APBB2: variants seen among roughly 807,000 people sequenced by gnomAD.
The protein encoded by APBB2 is amyloid beta precursor protein binding family B member 2.
A neutral mutation model predicts 82.5 loss-of-function variants in APBB2; 38 were observed. The observed-to-expected ratio is 0.46, with a 90% CI of 0.36 to 0.60. APBB2 has a LOEUF of 0.60. Ranked by LOEUF, APBB2 falls within the 20% of genes least tolerant of loss-of-function variation. The pLI is 0.00. For missense variants in APBB2, 772 were observed against 972.3 expected (o/e 0.79, Z 2.74); for synonymous variants, 341 against 368.2 (o/e 0.93, Z 0.85).
chr4:40,976,877 C>T (rs1050601836), intron 6 of APBB2, among the ~76,000 whole-genome samples: 2 of 151,946 alleles, frequency 1.3e-5, no homozygotes, highest in Non-Finnish European at 2.9e-5. Context: ...AGTGAGACCC[C>T]ATCCTATAAA....
At chr4:40,840,647 T>C (rs1163775722) in intron 12 of APBB2, among the ~76,000 whole-genome samples, 2 of 152,158 alleles carry the variant, frequency 1.3e-5, no homozygotes, top group Non-Finnish European at 2.9e-5. Context: ...GAAAGGAGTA[T>C]CCCAGGTACT....
At chr4:40,834,613 A>G (rs1455156053) in intron 12 of APBB2, among the ~76,000 whole-genome samples, 1 of 152,034 alleles carries the variant, frequency 6.6e-6, no homozygotes, top group South Asian at 2.1e-4. Context: ...GGCGGATGTG[A>G]TCAACAAAGG....
intron 10 of APBB2, among the ~76,000 whole-genome samples, chr4:40,925,249 G>A (rs4262020): frequency 0.092 from 14,032 of 152,190 alleles, 680 homozygotes; most frequent in Middle Eastern, 0.15. Flanking sequence ...AATGGCGAAT[G>A]CATAAAGAAT....
At chr4:41,118,160 GC>G (rs1369005808) in intron 2 of APBB2, 1 of 152,264 alleles carries the variant, frequency 6.6e-6, no homozygotes, top group Non-Finnish European at 1.5e-5. Context: ...GCTGCAGTGA[GC>G]CATGATTGTA....
intron 6 of APBB2, among the ~76,000 whole-genome samples, chr4:40,982,402 A>AAAGGAAAGG (rs1560449475): frequency 7.7e-5 from 6 of 78,100 alleles, no homozygotes; most frequent in African/African-American, 3.4e-4. Flanking sequence ...AAAGGAAAGG[A>AAAGGAAAGG]AAGAAAGAAA....
intron 1 of APBB2, among the ~76,000 whole-genome samples, chr4:41,189,765 T>C (rs1004665125): frequency 6.6e-6 from 1 of 152,200 alleles, no homozygotes; most frequent in African/African-American, 2.4e-5. Flanking sequence ...AGTCATTTCC[T>C]TTCTTCTTCT....
intron 2 of APBB2, among the ~76,000 whole-genome samples, chr4:41,117,570 C>T (rs542373648): frequency 6.6e-6 from 1 of 152,192 alleles, no homozygotes; most frequent in Admixed American, 6.5e-5. Context: ...GGATTACAGG[C>T]GTGAGGCACC....
chr4:40,929,322 T>C (rs1159222781), intron 10 of APBB2, among the ~76,000 whole-genome samples: 1 of 152,162 alleles, frequency 6.6e-6, no homozygotes, highest in African/African-American at 2.4e-5. Context: ...TATTTATTTA[T>C]TTTTGAGACA....
At chr4:40,966,664 C>T (rs140003287) in intron 6 of APBB2, among the ~76,000 whole-genome samples, 108 of 152,288 alleles carry the variant, frequency 7.1e-4, no homozygotes, top group Non-Finnish European at 1.2e-3. Flanking sequence ...TGGGCATGTG[C>T]GTGCTTGAGG....
At chr4:41,019,071 C>A (rs753253250) in intron 5 of APBB2, among the ~76,000 whole-genome samples, 22 of 152,182 alleles carry the variant, frequency 1.4e-4, no homozygotes, top group Non-Finnish European at 2.1e-4. Flanking sequence ...TAGAAAGACA[C>A]TGGTGACTTC....
intron 10 of APBB2, among the ~76,000 whole-genome samples, chr4:40,912,857 C>G (rs1313646203): frequency 6.6e-6 from 1 of 152,152 alleles, no homozygotes; most frequent in South Asian, 2.1e-4. Flanking sequence ...CCTGCTGATA[C>G]GCAGCAGATG....
At chr4:40,945,149 G>A in intron 6 of APBB2, 76 bp from the exon 7 acceptor site, 1 of 1,116,904 alleles carries the variant, frequency 9.0e-7, no homozygotes, top group Non-Finnish European at 1.3e-6. Context: ...TTCGTCAGGT[G>A]AACCCCAAAG....
At chr4:40,824,249 G>A (rs898646069) in intron 15 of APBB2, among the ~76,000 whole-genome samples, 7 of 152,086 alleles carry the variant, frequency 4.6e-5, no homozygotes, top group African/African-American at 1.7e-4. Context: ...TGCCTTAGAC[G>A]CTGTCTACCT....
intron 2 of APBB2, among the ~76,000 whole-genome samples, chr4:41,110,603 CAAAAA>C (rs33958550): frequency 2.7e-5 from 3 of 111,684 alleles, no homozygotes; most frequent in Admixed American, 9.9e-5. Flanking sequence ...GACTCTGTCT[CAAAAA>C]AAAAAAAAAA....
chr4:41,073,384 C>T (rs1229772363), intron 3 of APBB2, among the ~76,000 whole-genome samples: 1 of 152,170 alleles, frequency 6.6e-6, no homozygotes, highest in Non-Finnish European at 1.5e-5. Context: ...TATTTTCTCA[C>T]TTTAAGTTCA....
At chr4:40,894,245 G>A (rs1293809070) in intron 10 of APBB2, among the ~76,000 whole-genome samples, 2 of 147,976 alleles carry the variant, frequency 1.4e-5, no homozygotes, top group Non-Finnish European at 3.0e-5. Context: ...CCGAGATCGC[G>A]CCACTGCACT....
chr4:40,947,164 G>C (rs28440037), intron 6 of APBB2, among the ~76,000 whole-genome samples: 1 of 151,878 alleles, frequency 6.6e-6, no homozygotes, highest in South Asian at 2.1e-4. Flanking sequence ...TTTTGTTTTC[G>C]GCATCTCAAC....
In APBB2 at chr4:40,927,109, A is replaced by G. The variant is rs541090141; in HGVS notation, c.1254+7347T>C. On this transcript the variant is annotated intron_variant, in intron 10 of 17. Transcript: ENST00000508593. ...TGAAATTTTCTCAGAACCTGAAATG[A>G]CTTCTAATTTGATGACACATTCATT... Among the ~76,000 whole-genome samples, 6 of 152,336 alleles carry G rather than the reference A, an allele frequency of 3.9e-5. No homozygotes were observed. The South Asian group carries it at 1.2e-3, about 32-fold the overall frequency.
chr4:40,980,086 G>T (rs1798107087), intron 6 of APBB2, among the ~76,000 whole-genome samples: 1 of 152,172 alleles, frequency 6.6e-6, no homozygotes, highest in South Asian at 2.1e-4. Flanking sequence ...GCAGTGGCAT[G>T]ATCTCGGCTC....
Sources: gnomAD v4.1 joint callset for allele counts (sites outside exome capture counted in the v4.1 genomes callset) on GRCh38, gnomAD v4.1.1 for gene constraint, MANE v1.5 for transcripts, NCBI Gene and HGNC (gene_info 2026-07-23, HGNC 2026-07-21) for gene names.